The following ZNF80 variants were observed in gnomAD, a reference collection of about 807,000 sequenced individuals.
ZNF80 encodes the protein ZNFPT17.
For missense variants in ZNF80, 394 were observed against 334.1 expected, an observed-to-expected ratio of 1.18 and a Z score of -1.40; for synonymous variants, 132 against 119.4, an observed-to-expected ratio of 1.11 and a Z score of -0.69.
In ZNF80 at chr3:114,236,721, C is replaced by T. The variant is rs144823946; in HGVS notation, c.354G>A (p.Ser118=). 5.0e-6 allele frequency: 8 copies of T among 1,613,522 alleles called. No homozygotes were observed. The African/African-American group carries it at 8.0e-5, about 16-fold the overall frequency. Residue 118 remains serine (S), a synonymous_variant, in exon 1 of 1, where the codon TCG becomes TCA. Transcript: ENST00000482457. ...VECGKVFNRR[S]HLLCYRQIHT... ...GAATCTGGCGGTAGCACAGGAGGTGCGACCTGCGGTTGAAGACCTTCCCGC... is the reference window on the plus strand; with the variant it reads ...GAATCTGGCGGTAGCACAGGAGGTGTGACCTGCGGTTGAAGACCTTCCCGC...
rs192210819 is a variant in ZNF80, at chr3:114,234,811, T to A, written c.*1442A>T. 3 of 152,374 alleles carry A rather than the reference T, an allele frequency of 2.0e-5. No homozygotes were observed. Among genetic ancestry groups the A allele is most frequent in the African/African-American group, 7.2e-5 (3 of 41,586 alleles). The allele number at this position is 152,374 out of a possible 1,614,324, so 9.4% of individuals were successfully genotyped here. A position where few individuals can be genotyped will look rare whatever the true frequency, so the allele number is the denominator to read the frequency against. ...ACCACTATTAACAGTTTTATGCTTA[T>A]ACTTCTAGATGTAGTTTTATTTCCT... On this transcript the variant is annotated 3_prime_UTR_variant, in exon 1 of 1. Coordinates refer to ENST00000482457, the MANE Select transcript of ZNF80 (RefSeq NM_007136.4).
At position 114,237,471 on chromosome 3, in the gene ZNF80, T is replaced by C. The variant is rs2078210717; in HGVS notation, c.-397A>G. 1 of 164,178 alleles carries C rather than the reference T, an allele frequency of 6.1e-6. No individual in the cohort carries two copies. Among genetic ancestry groups the C allele is most frequent in the Admixed American group, 5.9e-5 (1 of 16,928 alleles). The allele number at this position is 164,178 out of a possible 1,614,324, so 10.2% of individuals were successfully genotyped here. A position where few individuals can be genotyped will look rare whatever the true frequency, so the allele number is the denominator to read the frequency against. On this transcript the variant is annotated 5_prime_UTR_variant, in exon 1 of 1. Transcript: ENST00000482457. ...TGAGTGTTACAGCTGGTAAAAGCAG[T>C]GTGGACCCAAAGAGTGAGAAGTAGC...
chr3:114,236,239 C>T lies in ZNF80; in HGVS notation c.*14G>A, dbSNP rs1171965105. 6 of 1,538,424 alleles carry T rather than the reference C, an allele frequency of 3.9e-6. No individual in the cohort carries two copies. Among genetic ancestry groups the T allele is most frequent in the Non-Finnish European group, 5.2e-6 (6 of 1,144,066 alleles). On this transcript the variant is annotated 3_prime_UTR_variant, in exon 1 of 1. Coordinates refer to ENST00000482457, the MANE Select transcript of ZNF80 (RefSeq NM_007136.4). ...AAAAAAAAGAAAACCCACAAATTCCCACATCATTTGCACTCAAAGGTTTTT... is the reference window on the plus strand; with the variant it reads ...AAAAAAAAGAAAACCCACAAATTCCTACATCATTTGCACTCAAAGGTTTTT...
rs934903383 is a variant in ZNF80 at position 114,237,237 on chromosome 3, A to G, written c.-163T>C. ...TTACAGCTCTTAAGGTGGCGCGTCT[A>G]GAGTTTGTTCCTTCTGATGTTCGGA... On this transcript the variant is annotated 5_prime_UTR_variant, in exon 1 of 1. Coordinates refer to ENST00000482457, the MANE Select transcript of ZNF80 (RefSeq NM_007136.4). The G allele has an allele frequency of 4.9e-5, 30 of 614,780 alleles. No homozygotes were observed. Among genetic ancestry groups the G allele is most frequent in the Admixed American group, 2.8e-4 (9 of 32,702 alleles). The allele number at this position is 614,780 out of a possible 1,614,324, so 38.1% of individuals were successfully genotyped here. A position where few individuals can be genotyped will look rare whatever the true frequency, so the allele number is the denominator to read the frequency against.
Position 114,237,547 on chromosome 3 carries a change from G to C in ZNF80, c.-473C>G, listed in dbSNP as rs1318703476. 1 of 153,746 alleles carries C rather than the reference G, an allele frequency of 6.5e-6. No individual in the cohort carries two copies. Among genetic ancestry groups the C allele is most frequent in the Non-Finnish European group, 1.4e-5 (1 of 69,196 alleles). 9.5% of individuals were successfully genotyped at this position (153,746 alleles called of 1,614,324 possible). ...ACAAAGCTTCCACAGTGTGGAAAGGGACCCCAGCGGGTTGCCACTGCTGGC... is the reference window on the plus strand; with the variant it reads ...ACAAAGCTTCCACAGTGTGGAAAGGCACCCCAGCGGGTTGCCACTGCTGGC... On this transcript the variant is annotated 5_prime_UTR_variant, in exon 1 of 1. Transcript: ENST00000482457.
rs1225397782 is a variant in ZNF80, at chr3:114,236,669, T to C, written c.406A>G (p.Ser136Gly). 2 of 1,614,010 alleles carry C rather than the reference T, an allele frequency of 1.2e-6. No individual in the cohort carries two copies. Among genetic ancestry groups the C allele is most frequent in the African/African-American group, 2.7e-5 (2 of 74,908 alleles). Residue 136 changes from serine (S) to glycine (G), a missense_variant, in exon 1 of 1, where the codon AGC becomes GGC. By Grantham distance (56) the Ser-to-Gly change is moderately conservative. Coordinates refer to ENST00000482457, the MANE Select transcript of ZNF80 (RefSeq NM_007136.4). ...TAGCTGAAGGTCTTTCCACACTCGC[T>C]GCACTCATAGGGCTTCTCTCCAGTG... ...IHTGEKPYEC[S>G]ECGKTFSYHS... is the part of the protein sequence containing the mutation.
At chr3:114,236,586 G>T in exon 1 of ZNF80, 6 of 1,614,102 alleles carry the variant, frequency 3.7e-6, no homozygotes, top group Non-Finnish European at 4.2e-6. Flanking sequence ...CACATTCTTT[G>T]CACCCAAAGA....
At position 114,235,688 on chromosome 3, in the gene ZNF80, A is replaced by G. The variant is rs748348317; in HGVS notation, c.*565T>C. ...CTCCTGTAGACAGGAGTGAATACATATAAAGGACAAATAACGAGGCAAGGC... is the reference window on the plus strand; with the variant it reads ...CTCCTGTAGACAGGAGTGAATACATGTAAAGGACAAATAACGAGGCAAGGC... On this transcript the variant is annotated 3_prime_UTR_variant, in exon 1 of 1. Coordinates refer to ENST00000482457, the MANE Select transcript of ZNF80 (RefSeq NM_007136.4). The G allele has an allele frequency of 8.3e-4, 127 of 152,622 alleles. No homozygotes were observed. Among genetic ancestry groups the G allele is most frequent in the Non-Finnish European group, 1.4e-3 (94 of 68,252 alleles). 9.5% of individuals were successfully genotyped at this position (152,622 alleles called of 1,614,324 possible).
Position 114,237,134 on chromosome 3 carries a change from T to G in ZNF80, c.-60A>C. ...GCCAAACTCAAGTGCCCTTCTGCAT[T>G]TCCAACTGTGTCCGGAATTGGTGGG... On this transcript the variant is annotated 5_prime_UTR_variant, in exon 1 of 1. Transcript: ENST00000482457. The G allele has an allele frequency of 2.0e-6, 3 of 1,470,788 alleles. No homozygotes were observed. The highest frequency in any genetic ancestry group is 2.6e-5 in the South Asian group (2 of 76,096). The allele number at this position is 1,470,788 out of a possible 1,614,324, so 91.1% of individuals were successfully genotyped here.
chr3:114,235,843 TA>T lies in ZNF80; in HGVS notation c.*409del, dbSNP rs200692814. 663 of 149,188 alleles carry T rather than the reference TA, an allele frequency of 4.4e-3. 1 individual carries two copies. Among genetic ancestry groups the T allele is most frequent in the Middle Eastern group, 0.01 (3 of 290 alleles). The allele number at this position is 149,188 out of a possible 1,614,324, so 9.2% of individuals were successfully genotyped here. A position where few individuals can be genotyped will look rare whatever the true frequency, so the allele number is the denominator to read the frequency against. The stretch of plus-strand genomic sequence containing the variant: ...TCTCTTTTACAGTTCCCTTCTTACT[TA>T]AAAAAAAAAAATCCTGAAGTGGCTT... On this transcript the variant is annotated 3_prime_UTR_variant, in exon 1 of 1. Transcript: ENST00000482457.
chr3:114,236,988 G>A lies in ZNF80; in HGVS notation c.87C>T (p.Leu29=), dbSNP rs1301912754. Reference sequence around the variant, plus strand: ...TTGGTCCCTGGGAGTCACATTCATGGAGATTGTCTCCTGTGGAGACCTGCT... The same window carrying A: ...TTGGTCCCTGGGAGTCACATTCATGAAGATTGTCTCCTGTGGAGACCTGCT... ...LQEQVSTGDN[L]HECDSQGPSK... is the part of the protein sequence containing the mutation. Residue 29 remains leucine (L), a synonymous_variant, in exon 1 of 1, where the codon CTC becomes CTT. Transcript: ENST00000482457. 4 of 1,614,068 alleles carry A rather than the reference G, an allele frequency of 2.5e-6. No individual in the cohort carries two copies. The highest frequency in any genetic ancestry group is 2.5e-6 in the Non-Finnish European group (3 of 1,180,014).
rs758942230 is a variant in ZNF80, at chr3:114,236,454, A to G, written c.621T>C (p.His207=). Residue 207 remains histidine (H), a synonymous_variant, in exon 1 of 1, where the codon CAT becomes CAC. Coordinates refer to ENST00000482457, the MANE Select transcript of ZNF80 (RefSeq NM_007136.4). The part of the protein sequence containing the change: ...TFTYRSVFFR[H]SMTHTAGKPY... ...GCTTTCCTGCAGTGTGGGTCATACTATGTCGGAAGAAAACAGAGCGGTAGG... is the reference window on the plus strand; with the variant it reads ...GCTTTCCTGCAGTGTGGGTCATACTGTGTCGGAAGAAAACAGAGCGGTAGG... The G allele has an allele frequency of 2.5e-6, 4 of 1,612,468 alleles. No homozygotes were observed. Among genetic ancestry groups the G allele is most frequent in the Non-Finnish European group, 3.4e-6 (4 of 1,178,806 alleles).
At position 114,235,936 on chromosome 3, in the gene ZNF80, CT is replaced by C; in HGVS notation, c.*316del. ...AGTGCACAATAACCAACAGGTCTCCCTCCTGGAAAAATTCTCAGATGCTGAG... is the reference window on the plus strand; with the variant it reads ...AGTGCACAATAACCAACAGGTCTCCCCCTGGAAAAATTCTCAGATGCTGAG... On this transcript the variant is annotated 3_prime_UTR_variant, in exon 1 of 1. Transcript: ENST00000482457. 1 of 228,886 alleles carries C rather than the reference CT, an allele frequency of 4.4e-6. No individual in the cohort carries two copies. Among genetic ancestry groups the C allele is most frequent in the Admixed American group, 5.0e-5 (1 of 20,034 alleles). The allele number at this position is 228,886 out of a possible 1,614,324, so 14.2% of individuals were successfully genotyped here.
chr3:114,235,400 G>A lies in ZNF80; in HGVS notation c.*853C>T, dbSNP rs2078197021. 1 of 152,164 alleles carries A rather than the reference G, an allele frequency of 6.6e-6. No homozygotes were observed. Among genetic ancestry groups the A allele is most frequent in the Admixed American group, 6.5e-5 (1 of 15,268 alleles). The allele number at this position is 152,164 out of a possible 1,614,324, so 9.4% of individuals were successfully genotyped here. A position where few individuals can be genotyped will look rare whatever the true frequency, so the allele number is the denominator to read the frequency against. ...GGTGTTCAAAACCACATGAAGAATT[G>A]TTTTTTGTTAAATTAAAGCCTTAAG... On this transcript the variant is annotated 3_prime_UTR_variant, in exon 1 of 1. Transcript: ENST00000482457.
chr3:114,235,911 AGTGCACAATAACC>A lies in ZNF80; in HGVS notation c.*329_*341del. The A allele has an allele frequency of 1.0e-5, 2 of 194,902 alleles. No homozygotes were observed. Among genetic ancestry groups the A allele is most frequent in the Admixed American group, 5.3e-5 (1 of 18,980 alleles). 12.1% of individuals were successfully genotyped at this position (194,902 alleles called of 1,614,324 possible). On this transcript the variant is annotated 3_prime_UTR_variant, in exon 1 of 1. Coordinates refer to ENST00000482457, the MANE Select transcript of ZNF80 (RefSeq NM_007136.4). Reference sequence around the variant, plus strand: ...GAGAGAGGTGTGGGTGGTTCTTTTAAGTGCACAATAACCAACAGGTCTCCCTCCTGGAAAAATT... The same window carrying A: ...GAGAGAGGTGTGGGTGGTTCTTTTAAAACAGGTCTCCCTCCTGGAAAAATT...
Position 114,236,850 on chromosome 3 carries a change from C to A in ZNF80, c.225G>T (p.Lys75Asn). The change falls in exon 1 of 1, where the codon AAG (lysine) becomes AAT (asparagine). Residue 75 changes from lysine to asparagine, a missense_variant. Physicochemically the swap from Lys to Asn is moderately conservative, Grantham distance 94 (BLOSUM62 0). Transcript: ENST00000482457. ...VRHQQIHTGVKPYECQECGKA... is the reference protein window; with the variant it reads ...VRHQQIHTGVNPYECQECGKA... The stretch of plus-strand genomic sequence containing the variant: ...TTCCACACTCCTGGCATTCATAAGG[C>A]TTCACCCCAGTGTGAATCTGCTGAT... The A allele has an allele frequency of 6.2e-7, 1 of 1,614,182 alleles. No homozygotes were observed. The highest frequency in any genetic ancestry group is 8.5e-7 in the Non-Finnish European group (1 of 1,180,006).
In ZNF80 at chr3:114,236,238, C is replaced by T. The variant is rs371758315; in HGVS notation, c.*15G>A. ...AAAAAAAAAGAAAACCCACAAATTC[C>T]CACATCATTTGCACTCAAAGGTTTT... On this transcript the variant is annotated 3_prime_UTR_variant, in exon 1 of 1. Transcript: ENST00000482457. 1.2e-4 allele frequency: 179 copies of T among 1,539,706 alleles called. No homozygotes were observed. The highest frequency in any genetic ancestry group is 1.5e-4 in the Non-Finnish European group (167 of 1,145,320).
chr3:114,236,138 C>T lies in ZNF80; in HGVS notation c.*115G>A. The T allele has an allele frequency of 1.4e-6, 1 of 727,628 alleles. No individual in the cohort carries two copies. The highest frequency in any genetic ancestry group is 2.3e-6 in the Non-Finnish European group (1 of 443,160). The allele number at this position is 727,628 out of a possible 1,614,324, so 45.1% of individuals were successfully genotyped here. A position where few individuals can be genotyped will look rare whatever the true frequency, so the allele number is the denominator to read the frequency against. On this transcript the variant is annotated 3_prime_UTR_variant, in exon 1 of 1. Coordinates refer to ENST00000482457, the MANE Select transcript of ZNF80 (RefSeq NM_007136.4). ...TTCAATGCCAAGTGAGGATGAGCTGCAGGTCACAGCTTTCCTACTGCCACT... is the reference window on the plus strand; with the variant it reads ...TTCAATGCCAAGTGAGGATGAGCTGTAGGTCACAGCTTTCCTACTGCCACT...
Position 114,237,070 on chromosome 3 carries a change from C to A in ZNF80, c.5G>T (p.Ser2Ile). The change falls in exon 1 of 1, where the codon AGC becomes ATC. Residue 2 changes from serine (S) to isoleucine (I), a missense_variant. Coordinates refer to ENST00000482457, the MANE Select transcript of ZNF80 (RefSeq NM_007136.4). The stretch of plus-strand genomic sequence containing the variant: ...TGTCCCCAACCCATCGCGTTTAGGG[C>A]TCATCTTCCTCCAGAAGGTCTCCGT... M[S>I]PKRDGLGTGD... 1 of 1,582,828 alleles carries A rather than the reference C, an allele frequency of 6.3e-7. No homozygotes were observed. The highest frequency in any genetic ancestry group is 8.6e-7 in the Non-Finnish European group (1 of 1,164,444).
Sources: gnomAD v4.1 joint callset for allele counts on GRCh38, gnomAD v4.1.1 for gene constraint, MANE v1.5 for transcripts, NCBI Gene and HGNC (gene_info 2026-07-23, HGNC 2026-07-21) for gene names.